The following GABRG1 variants were observed in gnomAD, a reference collection of about 807,000 sequenced individuals.
The protein encoded by GABRG1 is gamma-aminobutyric acid receptor subunit gamma-1.
GABRG1 carries 49 observed loss-of-function variants against 49.8 expected under a neutral mutation model. That is an observed-to-expected ratio of 0.98 (90% confidence interval 0.78 to 1.25). GABRG1 has a LOEUF of 1.25. Ranked by LOEUF, GABRG1 falls within the 50% of genes most tolerant of loss-of-function variation. The pLI is 0.00. For missense variants in GABRG1, 552 were observed against 552.3 expected (o/e 1.00, Z 0.01); for synonymous variants, 232 against 185.1 (o/e 1.25, Z -2.06).
chr4:46,123,741 A>T (rs1721167464), intron 1 of GABRG1, 69 bp downstream of exon 1: 1 of 1,097,870 alleles, frequency 9.1e-7, no homozygotes, highest in Non-Finnish European at 1.4e-6. Context: ...AATAATTTTT[A>T]AAAGAAAGGG....
At chr4:46,086,639 C>T (rs1719765461) in intron 2 of GABRG1, among the ~76,000 whole-genome samples, 1 of 151,414 alleles carries the variant, frequency 6.6e-6, no homozygotes, top group African/African-American at 2.4e-5. Context: ...GCAGTTATCA[C>T]ACATAATTTT....
intron 2 of GABRG1, among the ~76,000 whole-genome samples, chr4:46,094,803 C>T (rs1720114561): frequency 6.6e-6 from 1 of 151,862 alleles, no homozygotes; most frequent in African/African-American, 2.4e-5. Context: ...CATTAAAATA[C>T]ATCAATAAGC....
At chr4:46,122,105 A>T (rs1231321258) in intron 1 of GABRG1, among the ~76,000 whole-genome samples, 1 of 152,016 alleles carries the variant, frequency 6.6e-6, no homozygotes, top group Non-Finnish European at 1.5e-5. Flanking sequence ...GACACATGAG[A>T]TCATGTCTCC....
chr4:46,063,188 C>CA (rs944100770), intron 5 of GABRG1, among the ~76,000 whole-genome samples: 17 of 151,464 alleles, frequency 1.1e-4, no homozygotes, highest in Middle Eastern at 3.4e-3. Flanking sequence ...CATATGGAAC[C>CA]AAAAAAAAGC....
Position 46,058,569 on chromosome 4 carries a change from C to CT in GABRG1, c.678dup (p.Val227SerfsTer3). 6.2e-7 allele frequency: 1 copy of CT among 1,612,960 alleles called. No homozygotes were observed. Among genetic ancestry groups the CT allele is most frequent in the African/African-American group, 1.3e-5 (1 of 74,996 alleles). ...AATCTCCAGTATTTAGGATCAGCCACTTCTACGGAGGGCTTTTTCCACTTA... is the reference window on the plus strand; with the variant it reads ...AATCTCCAGTATTTAGGATCAGCCACTTTCTACGGAGGGCTTTTTCCACTTA... On this transcript the variant is annotated frameshift_variant, in exon 6 of 9. Coordinates refer to ENST00000295452, the MANE Select transcript of GABRG1 (RefSeq NM_173536.4). LOFTEE classifies it high-confidence loss of function.
chr4:46,079,353 T>C (rs1180738448), intron 3 of GABRG1, among the ~76,000 whole-genome samples: 1 of 151,942 alleles, frequency 6.6e-6, no homozygotes, highest in African/African-American at 2.4e-5. Context: ...TCTCCGTTAC[T>C]AAGAGGAATC....
chr4:46,097,851 C>T (rs1720231761), intron 1 of GABRG1, among the ~76,000 whole-genome samples: 1 of 151,592 alleles, frequency 6.6e-6, no homozygotes, highest in Admixed American at 6.6e-5. Context: ...AAAAGGAAAA[C>T]ATGTTTGTTG....
chr4:46,061,340 T>C (rs954611972), intron 5 of GABRG1, among the ~76,000 whole-genome samples: 1 of 151,832 alleles, frequency 6.6e-6, no homozygotes, highest in Non-Finnish European at 1.5e-5. Flanking sequence ...AAGAATATCA[T>C]TAATAAAAGG....
intron 1 of GABRG1, among the ~76,000 whole-genome samples, chr4:46,113,226 G>A (rs1720777530): frequency 6.6e-6 from 1 of 150,974 alleles, no homozygotes; most frequent in African/African-American, 2.4e-5. Flanking sequence ...AAAGAAAAGA[G>A]GTTTAATTGA....
In GABRG1 at chr4:46,058,368, C is replaced by T. The variant is rs777247413; in HGVS notation, c.765G>A (p.Gly255=). The T allele has an allele frequency of 6.9e-6, 11 of 1,601,378 alleles. No homozygotes were observed. Among genetic ancestry groups the T allele is most frequent in the Non-Finnish European group, 9.4e-6 (11 of 1,175,740 alleles). Reference sequence around the variant, plus strand: ...AAAAAATTGTCATGATAACATAATCCCCTGTAAGAAAAAAAAGTTTTATTT... The same window carrying T: ...AAAAAATTGTCATGATAACATAATCTCCTGTAAGAAAAAAAAGTTTTATTT... ...NSTEITHTIS[G]DYVIMTIFFD... The change falls in exon 7 of 9, where the codon GGG becomes GGA. Residue 255 remains glycine (G), a splice_region_variant and synonymous_variant. Transcript: ENST00000295452.
rs191990478 is a variant in GABRG1, at chr4:46,097,017, T to C, written c.253+184A>G. Among the ~76,000 whole-genome samples, 777 of 151,804 alleles carry C rather than the reference T, an allele frequency of 5.1e-3. 3 individuals carry two copies. The highest frequency in any genetic ancestry group is 0.01 in the Middle Eastern group (3 of 294). On this transcript the variant is annotated intron_variant, in intron 2 of 8. Transcript: ENST00000295452. ...AATAATTACATTAATTTTTTTTCTT[T>C]TTTCTTATTTCAGACTGTGAACTCC...
At chr4:46,087,846 T>C (rs975342236) in intron 2 of GABRG1, among the ~76,000 whole-genome samples, 9 of 152,120 alleles carry the variant, frequency 5.9e-5, no homozygotes, top group Non-Finnish European at 1.2e-4. Flanking sequence ...ACAATCAACC[T>C]TTCCAGGTTA....
chr4:46,101,745 G>A (rs1242220693), intron 1 of GABRG1, among the ~76,000 whole-genome samples: 1 of 151,618 alleles, frequency 6.6e-6, no homozygotes, highest in East Asian at 2.0e-4. Context: ...AACAATAAGA[G>A]TATGTTTAAA....
intron 2 of GABRG1, among the ~76,000 whole-genome samples, chr4:46,086,511 T>C (rs1248160301): frequency 6.6e-6 from 1 of 151,576 alleles, no homozygotes; most frequent in African/African-American, 2.4e-5. Context: ...GTCACTTTTG[T>C]ATATTAAAAT....
chr4:46,066,898 A>ATG (rs1345581733), intron 3 of GABRG1, among the ~76,000 whole-genome samples: 2 of 151,392 alleles, frequency 1.3e-5, no homozygotes, highest in Non-Finnish European at 2.9e-5. Context: ...GTGTGTATAT[A>ATG]TGTGTGTGTA....
intron 1 of GABRG1, among the ~76,000 whole-genome samples, chr4:46,116,340 T>G (rs1720885261): frequency 6.6e-6 from 1 of 150,862 alleles, no homozygotes; most frequent in Admixed American, 6.6e-5. Flanking sequence ...AGTTCTCCAT[T>G]TTTAAGTTCA....
chr4:46,098,262 T>G (rs772500381), intron 1 of GABRG1, among the ~76,000 whole-genome samples: 1 of 151,698 alleles, frequency 6.6e-6, no homozygotes, highest in African/African-American at 2.4e-5. Context: ...AGGTAATAAA[T>G]TACTCTTCTC....
At chr4:46,081,588 G>A (rs568428796) in intron 3 of GABRG1, among the ~76,000 whole-genome samples, 1 of 151,900 alleles carries the variant, frequency 6.6e-6, no homozygotes, top group Admixed American at 6.6e-5. Context: ...AAGTGGTAAA[G>A]CCTGTAATAA....
chr4:46,097,407 A>C, intron 1 of GABRG1, 58 bp from the exon 2 acceptor site: 2 of 1,512,344 alleles, frequency 1.3e-6, no homozygotes, highest in Non-Finnish European at 1.8e-6. Context: ...CATGTATAAA[A>C]GTATAGTTTA....
Sources: allele counts gnomAD v4.1 joint callset (sites outside exome capture counted in the v4.1 genomes callset), GRCh38; gene constraint gnomAD v4.1.1; transcripts MANE v1.5; gene names NCBI Gene and HGNC (gene_info 2026-07-23, HGNC 2026-07-21).